HGFAC: variants seen among roughly 807,000 people sequenced by gnomAD.
HGFAC encodes the protein hepatocyte growth factor activator serine protease.
In HGFAC, 76 loss-of-function variants were observed where a neutral mutation model predicts 70.6. That is an observed-to-expected ratio of 1.08 (90% confidence interval 0.89 to 1.30). The LOEUF is 1.30. Ranked by LOEUF, HGFAC falls within the 50% of genes most tolerant of loss-of-function variation. HGFAC has a pLI of 0.00. For synonymous variants in HGFAC, 464 were observed against 405.3 expected, an observed-to-expected ratio of 1.14 and a Z score of -1.74; for missense variants, 1,044 against 933.7, an observed-to-expected ratio of 1.12 and a Z score of -1.54.
At chr4:3,445,511 C>T (rs376798046) in intron 9 of HGFAC, 161 bp downstream of exon 9, 122 of 656,144 alleles carry the variant, frequency 1.9e-4, no homozygotes, top group East Asian at 1.3e-3. Context: ...CGCAGTGGGT[C>T]GGTACTGGGG....
intron 10 of HGFAC, 124 bp downstream of exon 10, chr4:3,446,418 G>A: frequency 1.5e-6 from 2 of 1,296,244 alleles, no homozygotes; most frequent in Non-Finnish European, 2.1e-6. Flanking sequence ...CCTTCCCGGG[G>A]TCCCCGGTAA....
Position 3,443,367 on chromosome 4 carries a change from G to T in HGFAC, c.422G>T (p.Arg141Leu). Residue 141 changes from arginine to leucine, a missense_variant, in exon 4 of 14, where the codon CGG (arginine) becomes CTG (leucine). Transcript: ENST00000382774. Reference sequence around the variant, plus strand: ...TGTGCCACAACTCACAACTACGACCGGGACAGGGCCTGGGGCTACTGTGTG... The same window carrying T: ...TGTGCCACAACTCACAACTACGACCTGGACAGGGCCTGGGGCTACTGTGTG... ...KWCATTHNYD[R>L]DRAWGYCVEA... The T allele has an allele frequency of 1.3e-6, 2 of 1,539,404 alleles. No homozygotes were observed. Among genetic ancestry groups the T allele is most frequent in the Non-Finnish European group, 1.8e-6 (2 of 1,141,546 alleles).
intron 9 of HGFAC, chr4:3,445,648 A>T: frequency 5.0e-6 from 3 of 601,400 alleles, no homozygotes; most frequent in Non-Finnish European, 5.9e-6. Context: ...CAGGGAGGGC[A>T]GCGTGCAGGC....
At chr4:3,446,331 G>T in intron 10 of HGFAC, 37 bp downstream of exon 10, 1 of 1,587,004 alleles carries the variant, frequency 6.3e-7, no homozygotes. Context: ...CTGCCCTGAG[G>T]CCCCACACAC....
chr4:3,443,854 G>A (rs946237231), intron 4 of HGFAC, among the ~76,000 whole-genome samples, 185 bp from the exon 5 acceptor site: 5 of 152,152 alleles, frequency 3.3e-5, no homozygotes, highest in African/African-American at 7.2e-5. Flanking sequence ...AGTGGGGGAC[G>A]CTGGGAGGAA....
At position 3,449,483 on chromosome 4, in the gene HGFAC, A is replaced by G; in HGVS notation, c.*64A>G. On this transcript the variant is annotated 3_prime_UTR_variant, in exon 14 of 14. Coordinates refer to ENST00000382774, the MANE Select transcript of HGFAC (RefSeq NM_001528.4). ...CTTGCTGACAATAAAGATATTTCCA[A>G]GAACCCGGCCCACGCTGCCTGGCCC... 14 of 1,450,884 alleles carry G rather than the reference A, an allele frequency of 9.6e-6. No homozygotes were observed. Among genetic ancestry groups the G allele is most frequent in the Non-Finnish European group, 1.3e-5 (14 of 1,087,946 alleles). The allele number at this position is 1,450,884 out of a possible 1,614,324, so 89.9% of individuals were successfully genotyped here.
At chr4:3,448,094 G>A in intron 12 of HGFAC, 34 bp from the exon 13 acceptor site, 1 of 1,568,084 alleles carries the variant, frequency 6.4e-7, no homozygotes, top group South Asian at 1.2e-5. Flanking sequence ...CAGCCACAGT[G>A]TGGGTGTCAC....
Position 3,444,609 on chromosome 4 carries a change from G to A in HGFAC, c.731-14G>A, listed in dbSNP as rs559830503. 5.9e-5 allele frequency: 93 copies of A among 1,579,800 alleles called. No homozygotes were observed. The highest frequency in any genetic ancestry group is 7.4e-5 in the Non-Finnish European group (87 of 1,168,346). ...TGCGCGGCCCCTGGCCCAGCTCCTCGGCCCTGCCCCCAGCTTGTCTGAGCA... is the reference window on the plus strand; with the variant it reads ...TGCGCGGCCCCTGGCCCAGCTCCTCAGCCCTGCCCCCAGCTTGTCTGAGCA... On this transcript the variant is annotated splice_polypyrimidine_tract_variant and intron_variant, in intron 6 of 13. Coordinates refer to ENST00000382774, the MANE Select transcript of HGFAC (RefSeq NM_001528.4).
rs559332324 is a variant in HGFAC, at chr4:3,447,768, C to T, written c.1496-127C>T. ...GGGCAGGGCAGGGAGGACAGGGCAC[C>T]GCTCCCTTCTGGATCTCCCAGGCTG... On this transcript the variant is annotated intron_variant, in intron 11 of 13. Coordinates refer to ENST00000382774, the MANE Select transcript of HGFAC (RefSeq NM_001528.4). 64 of 1,517,270 alleles carry T rather than the reference C, an allele frequency of 4.2e-5. No homozygotes were observed. In the Admixed American group the frequency reaches 6.1e-4, roughly 14 times the overall value. The allele number at this position is 1,517,270 out of a possible 1,614,324, so 94.0% of individuals were successfully genotyped here. A position where few individuals can be genotyped will look rare whatever the true frequency, so the allele number is the denominator to read the frequency against.
At position 3,444,336 on chromosome 4, in the gene HGFAC, C is replaced by A; in HGVS notation, c.624C>A (p.Tyr208Ter). The A allele has an allele frequency of 6.3e-7, 1 of 1,596,552 alleles. No individual in the cohort carries two copies. ...AGAAATGCTTTGATGAGACCCGCTA[C>A]GAGTACCTGGAGGGGGGCGACCGCT... is the stretch of plus-strand genomic sequence containing the variant. ...GTEKCFDETR[Y>*]EYLEGGDRWA... is the part of the protein sequence containing the mutation. Residue 208 changes from tyrosine (Y) to a stop codon, truncating the protein, a stop_gained, in exon 6 of 14, where the codon TAC (tyrosine) becomes TAA (stop). Coordinates refer to ENST00000382774, the MANE Select transcript of HGFAC (RefSeq NM_001528.4). LOFTEE classifies it high-confidence loss of function.
rs757674991 is a variant in HGFAC at position 3,447,879 on chromosome 4, C to T, written c.1496-16C>T. 8.7e-6 allele frequency: 14 copies of T among 1,606,610 alleles called. No individual in the cohort carries two copies. The highest frequency in any genetic ancestry group is 6.7e-5 in the East Asian group (3 of 44,690). ...CCCGCACACCACAGGCTGACCCTGG[C>T]CACTCTTCTGATCAGTCCTGATCCG... On this transcript the variant is annotated splice_polypyrimidine_tract_variant and intron_variant, in intron 11 of 13. Transcript: ENST00000382774.
At chr4:3,442,487 T>C (rs998022255) in intron 1 of HGFAC, among the ~76,000 whole-genome samples, 2 of 152,080 alleles carry the variant, frequency 1.3e-5, no homozygotes, top group African/African-American at 4.8e-5. Context: ...CGTCAGGGTT[T>C]AAGCTTGGTG....
chr4:3,443,912 G>A, intron 4 of HGFAC, 127 bp from the exon 5 acceptor site: 3 of 1,042,802 alleles, frequency 2.9e-6, no homozygotes, highest in Non-Finnish European at 4.2e-6. Context: ...GAGGGGCGTA[G>A]AGAGGGCCCC....
rs1725470648 is a variant in HGFAC, at chr4:3,445,363, CG to C, written c.1102+19del. The C allele has an allele frequency of 1.5e-5, 23 of 1,550,872 alleles. No homozygotes were observed. Among genetic ancestry groups the C allele is most frequent in the South Asian group, 9.5e-5 (8 of 84,344 alleles). On this transcript the variant is annotated intron_variant, in intron 9 of 13. Coordinates refer to ENST00000382774, the MANE Select transcript of HGFAC (RefSeq NM_001528.4). ...CTGGAGGCCTGCGGTGCGCGGCTGGCGGGGGGTGCTGCCTTGGGCCCCACCG... is the reference window on the plus strand; with the variant it reads ...CTGGAGGCCTGCGGTGCGCGGCTGGCGGGGGTGCTGCCTTGGGCCCCACCG...
At position 3,442,122 on chromosome 4, in the gene HGFAC, A is replaced by T. The variant is rs752911182; in HGVS notation, c.117+4A>T. ...GTTCCAGCCCCAGCCTGGCGGGGTG[A>T]GCACTGACCTTGTCGCAGTGCGACC... On this transcript the variant is annotated splice_donor_region_variant and intron_variant, in intron 1 of 13. Transcript: ENST00000382774. 101 of 1,552,848 alleles carry T rather than the reference A, an allele frequency of 6.5e-5. No homozygotes were observed. The highest frequency in any genetic ancestry group is 8.0e-5 in the Non-Finnish European group (93 of 1,161,138).
chr4:3,448,335 C>G, intron 13 of HGFAC, 59 bp downstream of exon 13: 1 of 1,562,274 alleles, frequency 6.4e-7, no homozygotes, highest in Non-Finnish European at 8.7e-7. Context: ...GGTCCTGAGT[C>G]TCCGAGATGC....
chr4:3,445,370 T>A lies in HGFAC; in HGVS notation c.1102+20T>A. On this transcript the variant is annotated intron_variant, in intron 9 of 13. Coordinates refer to ENST00000382774, the MANE Select transcript of HGFAC (RefSeq NM_001528.4). ...CCTGCGGTGCGCGGCTGGCGGGGGG[T>A]GCTGCCTTGGGCCCCACCGAGGTCA... 1 of 1,533,408 alleles carries A rather than the reference T, an allele frequency of 6.5e-7. No individual in the cohort carries two copies. 95.0% of individuals were successfully genotyped at this position (1,533,408 alleles called of 1,614,324 possible). A position where few individuals can be genotyped will look rare whatever the true frequency, so the allele number is the denominator to read the frequency against.
Position 3,448,111 on chromosome 4 carries a change from G to A in HGFAC, c.1637-17G>A, listed in dbSNP as rs1049306002. 2.5e-6 allele frequency: 4 copies of A among 1,579,202 alleles called. No individual in the cohort carries two copies. The highest frequency in any genetic ancestry group is 1.2e-5 in the South Asian group (1 of 86,832). The stretch of plus-strand genomic sequence containing the variant: ...GCCACAGTGTGGGTGTCACGCTGAG[G>A]GCATTGTGTCCCACAGACGTGAGCG... On this transcript the variant is annotated splice_polypyrimidine_tract_variant and intron_variant, in intron 12 of 13. Coordinates refer to ENST00000382774, the MANE Select transcript of HGFAC (RefSeq NM_001528.4).
At chr4:3,443,909 G>A (rs539319807) in intron 4 of HGFAC, 130 bp from the exon 5 acceptor site, 28 of 1,009,782 alleles carry the variant, frequency 2.8e-5, no homozygotes, top group East Asian at 2.6e-4. Context: ...CCCGAGGGGC[G>A]TAGAGAGGGC....
Sources: allele counts gnomAD v4.1 joint callset (sites outside exome capture counted in the v4.1 genomes callset), GRCh38; gene constraint gnomAD v4.1.1; transcripts MANE v1.5; gene names NCBI Gene and HGNC (gene_info 2026-07-23, HGNC 2026-07-21).